TBCK: variants seen among roughly 807,000 people sequenced by gnomAD.
TBCK encodes TBC domain-containing protein kinase-like protein.
Under a neutral mutation model 113.4 loss-of-function variants are expected in TBCK, and 99 were observed. That is an observed-to-expected ratio of 0.87 (90% CI 0.74 to 1.03). TBCK has a LOEUF of 1.03. Among genes scored for constraint, TBCK ranks in the 50% least tolerant of loss-of-function variants. The pLI, the probability that TBCK is intolerant of heterozygous loss-of-function variation, is 0.00. For synonymous variants in TBCK, 369 were observed against 370.8 expected (o/e 1.00, Z 0.05); for missense variants, 1,045 against 1,061.3 (o/e 0.98, Z 0.21).
intron 2 of TBCK, among the ~76,000 whole-genome samples, chr4:106,304,012 G>C (rs954897377): frequency 1.3e-5 from 2 of 152,010 alleles, no homozygotes; most frequent in Non-Finnish European, 2.9e-5. Flanking sequence ...ACATACACAC[G>C]GTTCTCCTTT....
chr4:106,294,288 C>G (rs1360611741), intron 3 of TBCK, among the ~76,000 whole-genome samples: 1 of 151,324 alleles, frequency 6.6e-6, no homozygotes, highest in Non-Finnish European at 1.5e-5. Flanking sequence ...CCCGCGGGTT[C>G]AAGCAATTCT....
chr4:106,226,051 C>T (rs898838006), intron 19 of TBCK, among the ~76,000 whole-genome samples: 5 of 151,984 alleles, frequency 3.3e-5, no homozygotes, highest in African/African-American at 1.2e-4. Flanking sequence ...GTAGTCTCAG[C>T]TACTCAGGAG....
intron 24 of TBCK, among the ~76,000 whole-genome samples, chr4:106,111,566 A>T (rs1421732787): frequency 6.6e-6 from 1 of 152,198 alleles, no homozygotes; most frequent in Non-Finnish European, 1.5e-5. Flanking sequence ...ATGTAAATCA[A>T]GCTTGGCTCC....
rs750999870 is a variant in TBCK, at chr4:106,308,840, G to A, written c.121C>T (p.Arg41Cys). 9.9e-6 allele frequency: 16 copies of A among 1,613,994 alleles called. No homozygotes were observed. Among genetic ancestry groups the A allele is most frequent in the South Asian group, 7.7e-5 (7 of 91,084 alleles). Residue 41 changes from arginine (R) to cysteine (C), a missense_variant, in exon 2 of 26, where the codon CGC becomes TGC. Arg to Cys is a radical substitution (Grantham distance 180). Coordinates refer to ENST00000394708, the MANE Select transcript of TBCK (RefSeq NM_001163435.3). The stretch of plus-strand genomic sequence containing the variant: ...GTGATGGTTTTAAGGATTTGAAAGC[G>A]CCCTAAAATTTTGATGGAATTTGGT... Reference protein sequence around the residue: ...LTPNSIKILGRFQILKTITHP... With the variant: ...LTPNSIKILGCFQILKTITHP...
At chr4:106,140,730 C>A (rs1336703421) in intron 23 of TBCK, among the ~76,000 whole-genome samples, 1 of 129,548 alleles carries the variant, frequency 7.7e-6, no homozygotes, top group Non-Finnish European at 1.7e-5. Context: ...TTTTTTTTTT[C>A]TAATTCCCTC....
intron 23 of TBCK, among the ~76,000 whole-genome samples, chr4:106,128,059 T>C (rs1578989861): frequency 1.3e-5 from 2 of 152,156 alleles, no homozygotes; most frequent in East Asian, 1.9e-4. Flanking sequence ...CTGAATGCAA[T>C]AGCAGTTTTT....
At chr4:106,151,213 C>T (rs1249991891) in intron 23 of TBCK, among the ~76,000 whole-genome samples, 1 of 151,976 alleles carries the variant, frequency 6.6e-6, no homozygotes, top group African/African-American at 2.4e-5. Flanking sequence ...TCTAATTATA[C>T]ACTTCTAGTT....
At chr4:106,276,167 A>G (rs1165046778) in intron 3 of TBCK, among the ~76,000 whole-genome samples, 2 of 152,208 alleles carry the variant, frequency 1.3e-5, no homozygotes, top group Non-Finnish European at 2.9e-5. Flanking sequence ...GCAATCAAAA[A>G]TGAAAATTCT....
At chr4:106,131,549 G>T (rs1413692764) in intron 23 of TBCK, among the ~76,000 whole-genome samples, 1 of 152,178 alleles carries the variant, frequency 6.6e-6, no homozygotes, top group Non-Finnish European at 1.5e-5. Context: ...GGAGGCGGAG[G>T]TTGCAGCGAG....
At chr4:106,050,513 T>C (rs1304533625) in intron 25 of TBCK, among the ~76,000 whole-genome samples, 2 of 152,082 alleles carry the variant, frequency 1.3e-5, no homozygotes, top group Non-Finnish European at 2.9e-5. Context: ...GTAAATATTA[T>C]GCTGGAAATC....
intron 2 of TBCK, among the ~76,000 whole-genome samples, chr4:106,302,968 C>G (rs1009430414): frequency 6.6e-6 from 1 of 152,186 alleles, no homozygotes; most frequent in African/African-American, 2.4e-5. Flanking sequence ...ATTTTCTGGG[C>G]TTTCAGCAAA....
intron 22 of TBCK, among the ~76,000 whole-genome samples, chr4:106,187,364 C>T (rs190343435): frequency 6.6e-6 from 1 of 152,002 alleles, no homozygotes; most frequent in East Asian, 1.9e-4. Flanking sequence ...TTCTTCTGAT[C>T]CATGAGCATG....
intron 23 of TBCK, among the ~76,000 whole-genome samples, chr4:106,151,664 T>C (rs929769932): frequency 5.9e-5 from 9 of 152,074 alleles, no homozygotes; most frequent in African/African-American, 2.2e-4. Flanking sequence ...GCATTAAATC[T>C]GTAGATTGTT....
At chr4:106,140,219 G>A (rs1384662500) in intron 23 of TBCK, among the ~76,000 whole-genome samples, 1 of 140,688 alleles carries the variant, frequency 7.1e-6, no homozygotes, top group African/African-American at 2.5e-5. Flanking sequence ...TTGTGGTGAA[G>A]TAAATCTTTA....
In TBCK at chr4:106,260,650, A is replaced by C. The variant is rs1193693423; in HGVS notation, c.382-140T>G. On this transcript the variant is annotated intron_variant, in intron 4 of 25. Transcript: ENST00000394708. ...CAATATTTTATCAAAATGCCACTGT[A>C]GATTTTAAAAAATCATAATTTTATA... 3 of 365,002 alleles carry C rather than the reference A, an allele frequency of 8.2e-6. No homozygotes were observed. In the East Asian group the frequency reaches 1.3e-4, roughly 16 times the overall value. The allele number at this position is 365,002 out of a possible 1,614,324, so 22.6% of individuals were successfully genotyped here. A position where few individuals can be genotyped will look rare whatever the true frequency, so the allele number is the denominator to read the frequency against.
At chr4:106,080,721 T>A (rs1738749973) in intron 25 of TBCK, among the ~76,000 whole-genome samples, 1 of 152,104 alleles carries the variant, frequency 6.6e-6, no homozygotes, top group Admixed American at 6.5e-5. Flanking sequence ...TTAAATATCA[T>A]CAGAGTGTAC....
At chr4:106,312,479 T>A (rs1407029480) in intron 1 of TBCK, among the ~76,000 whole-genome samples, 1 of 152,136 alleles carries the variant, frequency 6.6e-6, no homozygotes, top group Non-Finnish European at 1.5e-5. Context: ...AATGTGGAAG[T>A]GGAGCTTTGC....
rs1309168903 is a variant in TBCK at position 106,267,657 on chromosome 4, C to T, written c.267-5445G>A. 3.9e-5 allele frequency among the ~76,000 whole-genome samples: 6 copies of T among 152,094 alleles called. No individual in the cohort carries two copies. In the East Asian group the frequency reaches 1.2e-3, roughly 29 times the overall value. Reference sequence around the variant, plus strand: ...AAAGAGAAAAACACTATCACCACCACCACCATCACCAAAAAAGATGTTGAT... The same window carrying T: ...AAAGAGAAAAACACTATCACCACCATCACCATCACCAAAAAAGATGTTGAT... On this transcript the variant is annotated intron_variant, in intron 3 of 25. Coordinates refer to ENST00000394708, the MANE Select transcript of TBCK (RefSeq NM_001163435.3).
chr4:106,228,311 C>T (rs569535825), intron 19 of TBCK, among the ~76,000 whole-genome samples: 5 of 150,404 alleles, frequency 3.3e-5, no homozygotes, highest in African/African-American at 1.2e-4. Flanking sequence ...GTTGTGCTAG[C>T]AAATACAAGG....
Sources: allele counts gnomAD v4.1 joint callset (sites outside exome capture counted in the v4.1 genomes callset), GRCh38; gene constraint gnomAD v4.1.1; transcripts MANE v1.5; gene names NCBI Gene and HGNC (gene_info 2026-07-23, HGNC 2026-07-21).